The following DGLUCY variants were observed in gnomAD, a reference collection of about 807,000 sequenced individuals.
DGLUCY encodes the protein D-glutamate cyclase, mitochondrial.
In DGLUCY, 58 loss-of-function variants were observed where a neutral mutation model predicts 58.5. The observed-to-expected ratio is 0.99, with a 90% CI of 0.80 to 1.23. The LOEUF (loss-of-function observed/expected upper bound fraction) is 1.23. Among genes scored for constraint, DGLUCY ranks in the 50% most tolerant of loss-of-function variants. The pLI is 0.00. For missense variants in DGLUCY, 779 were observed against 784.7 expected (o/e 0.99, Z 0.09); for synonymous variants, 325 against 314.1 (o/e 1.03, Z -0.37).
intron 1 of DGLUCY, among the ~76,000 whole-genome samples, chr14:91,066,096 C>T (rs1325926038): frequency 6.6e-6 from 1 of 152,096 alleles, no homozygotes; most frequent in African/African-American, 2.4e-5. Flanking sequence ...TGACTTTATC[C>T]ACTGGGCGTG....
At chr14:91,098,135 T>G (rs1337147680) in intron 1 of DGLUCY, among the ~76,000 whole-genome samples, 1 of 152,194 alleles carries the variant, frequency 6.6e-6, no homozygotes, top group Admixed American at 6.6e-5. Context: ...ACAGCAGAGA[T>G]GATAGTAAAA....
intron 3 of DGLUCY, among the ~76,000 whole-genome samples, chr14:91,161,810 ATTTT>A (rs3028460): frequency 0.64 from 94,423 of 148,012 alleles, 33,354 homozygotes; most frequent in Non-Finnish European, 0.77. Context: ...GATTTTTGCC[ATTTT>A]TTTTTTTTTT....
At chr14:91,172,818 T>C (rs1325178294) in intron 5 of DGLUCY, among the ~76,000 whole-genome samples, 2 of 152,122 alleles carry the variant, frequency 1.3e-5, no homozygotes, top group East Asian at 1.9e-4. Flanking sequence ...GGCGAACTTT[T>C]GTATTTTTAA....
At chr14:91,071,528 T>C (rs2043918844) in intron 1 of DGLUCY, among the ~76,000 whole-genome samples, 1 of 152,076 alleles carries the variant, frequency 6.6e-6, no homozygotes, top group South Asian at 2.1e-4. Context: ...TTTTGAATTG[T>C]TTTAAATACA....
chr14:91,165,196 C>T (rs1337612398), intron 3 of DGLUCY: 1 of 455,728 alleles, frequency 2.2e-6, no homozygotes, highest in South Asian at 1.6e-5. Context: ...CATCTTTTAA[C>T]ATAACCGTTA....
At chr14:91,122,666 G>A (rs1374328529) in intron 1 of DGLUCY, among the ~76,000 whole-genome samples, 2 of 145,524 alleles carry the variant, frequency 1.4e-5, no homozygotes, top group African/African-American at 5.2e-5. Flanking sequence ...GAAGTGGCTC[G>A]ATCTCGGCTT....
intron 1 of DGLUCY, among the ~76,000 whole-genome samples, chr14:91,095,451 C>T (rs1312038074): frequency 2.6e-5 from 4 of 152,186 alleles, no homozygotes; most frequent in Admixed American, 6.5e-5. Context: ...CATCTTTACA[C>T]GTGAAGGCAA....
intron 4 of DGLUCY, among the ~76,000 whole-genome samples, chr14:91,168,274 A>G (rs1447697308): frequency 6.6e-6 from 1 of 151,784 alleles, no homozygotes; most frequent in Admixed American, 6.6e-5. Flanking sequence ...TAAAATATAT[A>G]TATATAAAAT....
intron 1 of DGLUCY, among the ~76,000 whole-genome samples, chr14:91,094,984 A>G (rs1450843047): frequency 6.6e-6 from 1 of 152,102 alleles, no homozygotes. Flanking sequence ...CTCTGGGTCC[A>G]GGCATGGGTG....
At chr14:91,094,360 G>A (rs1055831624) in intron 1 of DGLUCY, among the ~76,000 whole-genome samples, 3 of 151,674 alleles carry the variant, frequency 2.0e-5, no homozygotes, top group Non-Finnish European at 2.9e-5. Flanking sequence ...GCTTGAACCC[G>A]GGAGGTGGAG....
At chr14:91,119,270 G>C (rs952963284) in intron 1 of DGLUCY, among the ~76,000 whole-genome samples, 3 of 151,882 alleles carry the variant, frequency 2.0e-5, no homozygotes, top group Non-Finnish European at 2.9e-5. Context: ...TTCTGTTCCT[G>C]CCTGTAGTGC....
intron 4 of DGLUCY, 187 bp downstream of exon 4, chr14:91,167,565 C>A (rs540965962): frequency 1.4e-4 from 109 of 776,964 alleles, no homozygotes; most frequent in Non-Finnish European, 2.3e-4. Flanking sequence ...CTTCCCCTAT[C>A]ACCTGGCGCC....
chr14:91,083,746 T>C (rs550324638), intron 1 of DGLUCY, among the ~76,000 whole-genome samples: 23 of 152,044 alleles, frequency 1.5e-4, no homozygotes, highest in Admixed American at 4.6e-4. Flanking sequence ...GTCAGAAATA[T>C]GTGTTTCCAC....
At chr14:91,159,826 G>A (rs1231052629) in intron 2 of DGLUCY, among the ~76,000 whole-genome samples, 3 of 152,210 alleles carry the variant, frequency 2.0e-5, no homozygotes, top group Non-Finnish European at 2.9e-5. Flanking sequence ...CACGTGCTAT[G>A]TGCATAGGCT....
intron 1 of DGLUCY, among the ~76,000 whole-genome samples, chr14:91,117,418 C>T (rs1371806068): frequency 6.6e-6 from 1 of 152,108 alleles, no homozygotes; most frequent in Non-Finnish European, 1.5e-5. Context: ...AGCCCCTGTT[C>T]GAGATGGAGT....
chr14:91,196,565 C>T, intron 10 of DGLUCY, 91 bp downstream of exon 10: 1 of 1,062,634 alleles, frequency 9.4e-7, no homozygotes, highest in Non-Finnish European at 1.4e-6. Context: ...ACACCCAAGC[C>T]CTTCAGAGGG....
intron 1 of DGLUCY, among the ~76,000 whole-genome samples, chr14:91,067,916 A>G (rs539411209): frequency 6.6e-6 from 1 of 152,272 alleles, no homozygotes; most frequent in East Asian, 1.9e-4. Context: ...TAGAGCCAGT[A>G]AGTTGAAGAG....
chr14:91,072,165 A>C (rs569684106), intron 1 of DGLUCY, among the ~76,000 whole-genome samples: 20 of 152,124 alleles, frequency 1.3e-4, no homozygotes, highest in African/African-American at 4.6e-4. Flanking sequence ...TCTACTAAAA[A>C]TACAAAAAAC....
At chr14:91,178,901 C>A (rs2049006197) in intron 7 of DGLUCY, among the ~76,000 whole-genome samples, 1 of 152,056 alleles carries the variant, frequency 6.6e-6, no homozygotes. Context: ...CGTGATGGCA[C>A]ACACCTATAA....
Sources: allele counts gnomAD v4.1 joint callset (sites outside exome capture counted in the v4.1 genomes callset), GRCh38; gene constraint gnomAD v4.1.1; transcripts MANE v1.5; gene names NCBI Gene and HGNC (gene_info 2026-07-23, HGNC 2026-07-21).